The following CLMP variants were observed in gnomAD, a reference collection of about 807,000 sequenced individuals.
CLMP encodes CXADR like cell adhesion molecule.
Under a neutral mutation model 45.2 loss-of-function variants are expected in CLMP, and 27 were observed. The ratio of observed to expected loss-of-function variants is 0.60; its 90% confidence interval spans 0.44 to 0.82. CLMP has a LOEUF of 0.82. Among genes scored for constraint, CLMP ranks in the 40% least tolerant of loss-of-function variants. The probability of loss-of-function intolerance (pLI) is 0.00; values close to 1 mark genes in which losing one functional copy is unlikely to be tolerated. For missense variants in CLMP, 403 were observed against 448.4 expected (o/e 0.90, Z 0.91); for synonymous variants, 167 against 171.4 (o/e 0.97, Z 0.20).
chr11:123,089,032 G>A (rs1865896783), intron 2 of CLMP, among the ~76,000 whole-genome samples: 1 of 152,210 alleles, frequency 6.6e-6, no homozygotes, highest in African/African-American at 2.4e-5. Context: ...GAGTCAGGCT[G>A]CTTTGGACGC....
intron 1 of CLMP, among the ~76,000 whole-genome samples, chr11:123,157,990 A>T (rs1203700651): frequency 6.6e-6 from 1 of 152,032 alleles, no homozygotes; most frequent in Non-Finnish European, 1.5e-5. Context: ...TGCTGCTTCC[A>T]ACCCATTCTC....
At chr11:123,132,216 C>T (rs950653693) in intron 1 of CLMP, among the ~76,000 whole-genome samples, 1 of 152,154 alleles carries the variant, frequency 6.6e-6, no homozygotes, top group Non-Finnish European at 1.5e-5. Context: ...TCCTAACTTC[C>T]TGCAGGCTGA....
chr11:123,127,637 C>T (rs1860915909), intron 1 of CLMP, among the ~76,000 whole-genome samples: 2 of 152,118 alleles, frequency 1.3e-5, no homozygotes, highest in Non-Finnish European at 2.9e-5. Context: ...ATCCCAACAA[C>T]CCAGATAAAG....
intron 1 of CLMP, among the ~76,000 whole-genome samples, chr11:123,129,369 T>G (rs1860948937): frequency 7.7e-6 from 1 of 129,746 alleles, no homozygotes; most frequent in African/African-American, 3.0e-5. Context: ...ATATATTATA[T>G]AAAATATATA....
At chr11:123,079,171 G>A (rs1044592531) in intron 5 of CLMP, among the ~76,000 whole-genome samples, 1 of 152,090 alleles carries the variant, frequency 6.6e-6, no homozygotes, top group South Asian at 2.1e-4. Context: ...CTTTGTATAA[G>A]TTTTACTTTA....
At chr11:123,104,128 C>CT (rs1241735527) in intron 1 of CLMP, among the ~76,000 whole-genome samples, 2,935 of 72,362 alleles carry the variant, frequency 0.041, 283 homozygotes, top group East Asian at 0.1. Context: ...CCATGCCTGG[C>CT]TTTTTTTTTT....
chr11:123,147,816 CTTT>C (rs34811211), intron 1 of CLMP, among the ~76,000 whole-genome samples: 10 of 143,146 alleles, frequency 7.0e-5, no homozygotes, highest in East Asian at 2.0e-4. Flanking sequence ...AAGACACTGA[CTTT>C]TTTTTTTTTT....
At chr11:123,099,579 C>T (rs1376207458) in intron 1 of CLMP, among the ~76,000 whole-genome samples, 1 of 151,856 alleles carries the variant, frequency 6.6e-6, no homozygotes, top group Non-Finnish European at 1.5e-5. Flanking sequence ...GAGAAGGTGA[C>T]ATTTGATATG....
rs1212992258 is a variant in CLMP, at chr11:123,084,431, TA to T, written c.388+80del. On this transcript the variant is annotated intron_variant, in intron 3 of 6. Coordinates refer to ENST00000448775, the MANE Select transcript of CLMP (RefSeq NM_024769.5). ...CCAAAGTACTGAACATGATGTTTTG[TA>T]CCACCGTGATGCATATGGCTATCCC... 4.4e-5 allele frequency: 50 copies of T among 1,129,158 alleles called. No homozygotes were observed. The East Asian group carries it at 1.2e-3, about 26-fold the overall frequency. 69.9% of individuals were successfully genotyped at this position (1,129,158 alleles called of 1,614,324 possible). A position where few individuals can be genotyped will look rare whatever the true frequency, so the allele number is the denominator to read the frequency against.
At chr11:123,188,713 C>T (rs1225083348) in intron 1 of CLMP, 2 of 152,212 alleles carry the variant, frequency 1.3e-5, no homozygotes, top group Non-Finnish European at 2.9e-5. Context: ...CACACAGTGA[C>T]CCAACCGACT....
At chr11:123,085,311 C>T (rs2135470163) in intron 2 of CLMP, among the ~76,000 whole-genome samples, 1 of 151,810 alleles carries the variant, frequency 6.6e-6, no homozygotes, top group African/African-American at 2.4e-5. Flanking sequence ...TGCAGTGGCA[C>T]AATCTTGGCT....
intron 1 of CLMP, among the ~76,000 whole-genome samples, chr11:123,154,528 AGAAGGGATTTAAATCTCTTATGT>A (rs1470228826): frequency 2.0e-5 from 3 of 152,170 alleles, no homozygotes; most frequent in Non-Finnish European, 2.9e-5. Flanking sequence ...CTGTTTGGCT[AGAAGGGATTTAAATCTCTTATGT>A]CAGATATCAT....
intron 6 of CLMP, among the ~76,000 whole-genome samples, chr11:123,074,391 A>G (rs985636119): frequency 1.3e-5 from 2 of 152,080 alleles, no homozygotes; most frequent in African/African-American, 4.8e-5. Flanking sequence ...TATGTTGACA[A>G]GGCTGGTTTC....
intron 1 of CLMP, chr11:123,135,826 T>C (rs75778936): frequency 0.05 from 18,408 of 369,244 alleles, 569 homozygotes; most frequent in Middle Eastern, 0.093. Context: ...CTCCTTGCCC[T>C]ACAGACTCTG....
chr11:123,073,950 AT>A (rs1179818865), intron 6 of CLMP, among the ~76,000 whole-genome samples, 176 bp from the exon 7 acceptor site: 1 of 152,070 alleles, frequency 6.6e-6, no homozygotes, highest in Non-Finnish European at 1.5e-5. Context: ...GCTCACACAA[AT>A]GTATATTTTG....
chr11:123,146,849 C>T (rs887351505), intron 1 of CLMP, among the ~76,000 whole-genome samples: 1 of 152,174 alleles, frequency 6.6e-6, no homozygotes, highest in Non-Finnish European at 1.5e-5. Flanking sequence ...GTCTCACAAG[C>T]ACCTCAAATT....
At chr11:123,128,035 C>CAAAAAA (rs35399534) in intron 1 of CLMP, among the ~76,000 whole-genome samples, 5,879 of 91,200 alleles carry the variant, frequency 0.064, 166 homozygotes, top group East Asian at 0.12. Context: ...GACTCTGTCT[C>CAAAAAA]AAAAAAAAAA....
chr11:123,170,490 A>C (rs75329018), intron 1 of CLMP, among the ~76,000 whole-genome samples: 2,189 of 144,704 alleles, frequency 0.015, 63 homozygotes, highest in African/African-American at 0.053. Context: ...CCCAAGCTGG[A>C]GTGAGGTGGC....
chr11:123,092,192 T>C (rs7113273), intron 2 of CLMP, among the ~76,000 whole-genome samples: 58,574 of 151,830 alleles, frequency 0.39, 13,477 homozygotes, highest in African/African-American at 0.65. Flanking sequence ...TGGGGCATAC[T>C]GCTACCATAG....
Sources: gnomAD v4.1 joint callset for allele counts (sites outside exome capture counted in the v4.1 genomes callset) on GRCh38, gnomAD v4.1.1 for gene constraint, MANE v1.5 for transcripts, NCBI Gene and HGNC (gene_info 2026-07-23, HGNC 2026-07-21) for gene names.